The following MTG1 variants were observed in gnomAD, a reference collection of about 807,000 sequenced individuals.
MTG1 encodes mitochondrial ribosome associated GTPase 1, also known as mitochondrial ribosome-associated GTPase 1.
Under a neutral mutation model 39.5 loss-of-function variants are expected in MTG1, and 30 were observed. The observed-to-expected ratio is 0.76, with a 90% CI of 0.57 to 1.03. The LOEUF (loss-of-function observed/expected upper bound fraction) is 1.03. Ranked by LOEUF, MTG1 falls within the 50% of genes least tolerant of loss-of-function variation. The probability of loss-of-function intolerance (pLI) is 0.00; values close to 1 mark genes in which losing one functional copy is unlikely to be tolerated. For missense variants in MTG1, 513 were observed against 447.4 expected (o/e 1.15, Z -1.32); for synonymous variants, 217 against 179.0 (o/e 1.21, Z -1.69).
intron 9 of MTG1, among the ~76,000 whole-genome samples, chr10:133,411,553 G>A (rs1850046796): frequency 6.6e-6 from 1 of 152,062 alleles, no homozygotes; most frequent in South Asian, 2.1e-4. Context: ...CTCTTGCTCG[G>A]TTCCTTCTTG....
At chr10:133,416,794 A>G (rs1420503875) in intron 9 of MTG1, among the ~76,000 whole-genome samples, 2 of 147,720 alleles carry the variant, frequency 1.4e-5, no homozygotes, top group African/African-American at 2.5e-5. Context: ...TTCTTAATCC[A>G]GTCTATTATT....
intron 3 of MTG1, among the ~76,000 whole-genome samples, chr10:133,397,779 G>GTTTTTTTTTTT (rs35859911): frequency 3.6e-5 from 5 of 139,494 alleles, no homozygotes; most frequent in African/African-American, 1.4e-4. Flanking sequence ...CGTCCAGCCT[G>GTTTTTTTTTTT]TTTTTTTTTT....
rs541555278 is a variant in MTG1 at position 133,415,844 on chromosome 10, G to A, written c.753-3636G>A. ...CCTCAGGCATGCAGGTATCAGGCAC[G>A]CGGGTATCAGGCAGGTGGGTATCAG... is the stretch of plus-strand genomic sequence containing the variant. On this transcript the variant is annotated intron_variant, in intron 9 of 10. Transcript: ENST00000317502. 2.0e-4 allele frequency among the ~76,000 whole-genome samples: 31 copies of A among 152,152 alleles called. 1 individual carries two copies. In the South Asian group the frequency reaches 5.2e-3, roughly 25 times the overall value.
chr10:133,407,941 C>G (rs1589914997), intron 9 of MTG1, among the ~76,000 whole-genome samples: 1 of 152,152 alleles, frequency 6.6e-6, no homozygotes, highest in Non-Finnish European at 1.5e-5. Context: ...TTACTGAAAC[C>G]TTTTTATCAG....
Position 133,399,958 on chromosome 10 carries a change from C to T in MTG1, c.511+339C>T, listed in dbSNP as rs962534772. ...CTGTAATCCCAGCACTTTGAGAGGC[C>T]GAGGCGGGCGGATCATGAGGTCAGG... is the stretch of plus-strand genomic sequence containing the variant. On this transcript the variant is annotated intron_variant, in intron 6 of 10. Coordinates refer to ENST00000317502, the MANE Select transcript of MTG1 (RefSeq NM_138384.4). Among the ~76,000 whole-genome samples, 26 of 152,126 alleles carry T rather than the reference C, an allele frequency of 1.7e-4. 1 individual carries two copies. Among genetic ancestry groups the T allele is most frequent in the African/African-American group, 3.9e-4 (16 of 41,406 alleles).
At chr10:133,413,161 A>C (rs760628041) in intron 9 of MTG1, among the ~76,000 whole-genome samples, 1 of 152,140 alleles carries the variant, frequency 6.6e-6, no homozygotes, top group Non-Finnish European at 1.5e-5. Flanking sequence ...CTCAGGCTGG[A>C]GTGCAGAGGT....
Position 133,402,627 on chromosome 10 carries a change from T to G in MTG1, c.671-65T>G. 2 of 1,437,932 alleles carry G rather than the reference T, an allele frequency of 1.4e-6. No homozygotes were observed. The highest frequency in any genetic ancestry group is 1.9e-6 in the Non-Finnish European group (2 of 1,047,042). 89.1% of individuals were successfully genotyped at this position (1,437,932 alleles called of 1,614,324 possible). ...TTGGGCTAGGACTGGAAGGGATGTG[T>G]TTGAACTTGGCAGGAACATAGATGT... On this transcript the variant is annotated intron_variant, in intron 8 of 10. Coordinates refer to ENST00000317502, the MANE Select transcript of MTG1 (RefSeq NM_138384.4). This position sits in a 1 kb window ranked among gnomAD's most constrained non-coding sequence, Gnocchi z 4.7.
At chr10:133,404,127 A>AT (rs1564820386) in intron 9 of MTG1, among the ~76,000 whole-genome samples, 6 of 61,638 alleles carry the variant, frequency 9.7e-5, no homozygotes, top group African/African-American at 1.7e-4. Flanking sequence ...CTAAGTTTTA[A>AT]TCTTTTTTTT....
Position 133,396,652 on chromosome 10 carries a change from G to A in MTG1, c.282+385G>A, listed in dbSNP as rs559030015. ...ATAAGAATAGTTATACTAGATATAG[G>A]TCATAGATATGATTGTATATGAATA... On this transcript the variant is annotated intron_variant, in intron 3 of 10. Transcript: ENST00000317502. Among the ~76,000 whole-genome samples, 46 of 152,246 alleles carry A rather than the reference G, an allele frequency of 3.0e-4. 1 individual carries two copies. The highest frequency in any genetic ancestry group is 3.9e-4 in the East Asian group (2 of 5,190).
chr10:133,409,749 T>A (rs2133506671), intron 9 of MTG1, among the ~76,000 whole-genome samples: 2 of 152,324 alleles, frequency 1.3e-5, no homozygotes, highest in Middle Eastern at 3.4e-3. Context: ...CTTGCTGAAT[T>A]GACCCCTTTA....
At chr10:133,404,198 G>A (rs1266224054) in intron 9 of MTG1, among the ~76,000 whole-genome samples, 1 of 132,140 alleles carries the variant, frequency 7.6e-6, no homozygotes, top group Middle Eastern at 5.1e-3. Flanking sequence ...TACAGTCTCA[G>A]CTCACTGCAG....
At chr10:133,413,923 T>C (rs531044857) in intron 9 of MTG1, among the ~76,000 whole-genome samples, 85 of 151,746 alleles carry the variant, frequency 5.6e-4, no homozygotes, top group East Asian at 1.3e-3. Context: ...CTTTTCTTTT[T>C]TTTTTTTTTT....
intron 6 of MTG1, 23 bp from the exon 7 acceptor site, chr10:133,401,506 C>A: frequency 6.5e-7 from 1 of 1,542,356 alleles, no homozygotes; most frequent in Non-Finnish European, 8.7e-7. Context: ...ACATTTGAGC[C>A]TCCTTTTCTC....
At chr10:133,398,880 C>T (rs538621750) in intron 4 of MTG1, among the ~76,000 whole-genome samples, 6 of 152,088 alleles carry the variant, frequency 3.9e-5, no homozygotes, top group Non-Finnish European at 8.8e-5. Context: ...TGGGAGGGGA[C>T]GGGCATAGGT....
intron 9 of MTG1, among the ~76,000 whole-genome samples, chr10:133,406,130 GTCT>G (rs1849967404): frequency 6.6e-6 from 1 of 152,122 alleles, no homozygotes; most frequent in African/African-American, 2.4e-5. Flanking sequence ...CCATTTGTAT[GTCT>G]TCTTTTGAGA....
At chr10:133,400,992 T>C (rs1219114458) in intron 6 of MTG1, among the ~76,000 whole-genome samples, 1 of 152,290 alleles carries the variant, frequency 6.6e-6, no homozygotes, top group East Asian at 1.9e-4. Context: ...TTCATCTGGA[T>C]GGACACTTGT....
intron 9 of MTG1, among the ~76,000 whole-genome samples, chr10:133,416,549 C>T (rs1850136906): frequency 9.7e-6 from 1 of 103,294 alleles, no homozygotes; most frequent in Non-Finnish European, 1.9e-5. Context: ...GCTATCCCTC[C>T]CCCCTCCCCC....
intron 9 of MTG1, among the ~76,000 whole-genome samples, chr10:133,410,726 C>T (rs898482791): frequency 9.9e-5 from 15 of 152,192 alleles, no homozygotes; most frequent in Non-Finnish European, 1.3e-4. Context: ...GAGCTATGAT[C>T]GTGCCATCGC....
rs1400340994 is a variant in MTG1, at chr10:133,402,936, A to G, written c.752+163A>G. ...GTTGGACAAGTTCGGGAGTATGGCT[A>G]TACGTCTGTGAAAGCAACACACAAT... On this transcript the variant is annotated intron_variant, in intron 9 of 10. Coordinates refer to ENST00000317502, the MANE Select transcript of MTG1 (RefSeq NM_138384.4). This position sits in a 1 kb window ranked among gnomAD's most constrained non-coding sequence, Gnocchi z 4.7. The G allele has an allele frequency of 3.5e-6, 2 of 578,726 alleles. No homozygotes were observed. Among genetic ancestry groups the G allele is most frequent in the Admixed American group, 3.0e-5 (1 of 33,142 alleles). 35.8% of individuals were successfully genotyped at this position (578,726 alleles called of 1,614,324 possible).
Sources: allele counts gnomAD v4.1 joint callset (sites outside exome capture counted in the v4.1 genomes callset), GRCh38; gene constraint gnomAD v4.1.1; non-coding constraint Gnocchi (gnomAD v3.1); transcripts MANE v1.5; gene names NCBI Gene and HGNC (gene_info 2026-07-23, HGNC 2026-07-21).